RPH3AL: variants seen among roughly 807,000 people sequenced by gnomAD.
The protein encoded by RPH3AL is rabphilin 3A like (without C2 domains), also known as rab effector Noc2.
A neutral mutation model predicts 43.1 loss-of-function variants in RPH3AL; 38 were observed. The ratio of observed to expected loss-of-function variants is 0.88; its 90% CI spans 0.68 to 1.15. RPH3AL has a LOEUF of 1.15. Among genes scored for constraint, RPH3AL ranks in the 50% most tolerant of loss-of-function variants. The pLI is 0.00. For synonymous variants in RPH3AL, 189 were observed against 176.3 expected (o/e 1.07, Z -0.57); for missense variants, 462 against 423.2 (o/e 1.09, Z -0.81).
intron 5 of RPH3AL, among the ~76,000 whole-genome samples, chr17:316,023 C>A (rs62054975): frequency 1.9e-5 from 1 of 52,878 alleles, no homozygotes. Flanking sequence ...TCCCTGTGCC[C>A]CCACCTCCAT....
chr17:226,161 A>T (rs2151508561), intron 7 of RPH3AL, among the ~76,000 whole-genome samples: 1 of 152,328 alleles, frequency 6.6e-6, no homozygotes, highest in African/African-American at 2.4e-5. Flanking sequence ...ACAGGTAGAA[A>T]TCCTCCCTGA....
intron 5 of RPH3AL, among the ~76,000 whole-genome samples, chr17:286,311 G>C (rs1187055965): frequency 6.6e-6 from 1 of 152,132 alleles, no homozygotes; most frequent in African/African-American, 2.4e-5. Flanking sequence ...CTTAGGGTCT[G>C]GTGCTTCCTG....
At chr17:229,284 C>A (rs780710356) in intron 7 of RPH3AL, among the ~76,000 whole-genome samples, 14 of 152,242 alleles carry the variant, frequency 9.2e-5, no homozygotes, top group Non-Finnish European at 1.9e-4. Context: ...GAGGGCAAGG[C>A]CATACCTAAA....
chr17:303,030 G>A (rs1023455991), intron 5 of RPH3AL, among the ~76,000 whole-genome samples: 2 of 152,214 alleles, frequency 1.3e-5, no homozygotes, highest in African/African-American at 4.8e-5. Flanking sequence ...ATCCAAGTCA[G>A]ACAATAAACT....
At chr17:349,887 G>A (rs1025157803) in intron 1 of RPH3AL, among the ~76,000 whole-genome samples, 2 of 151,994 alleles carry the variant, frequency 1.3e-5, no homozygotes, top group African/African-American at 2.4e-5. Context: ...CAATCCCATC[G>A]AGGGCCATCA....
intron 7 of RPH3AL, among the ~76,000 whole-genome samples, chr17:242,516 A>G (rs1413148257): frequency 1.5e-5 from 1 of 67,652 alleles, no homozygotes; most frequent in Non-Finnish European, 2.8e-5. Flanking sequence ...ACCTTCCTCT[A>G]TTGACTACCT....
chr17:323,194 G>T lies in RPH3AL; in HGVS notation c.78-1779C>A, dbSNP rs921131044. 6.6e-6 allele frequency among the ~76,000 whole-genome samples: 1 copy of T among 152,036 alleles called. No individual in the cohort carries two copies. The highest frequency in any genetic ancestry group is 2.1e-4 in the South Asian group (1 of 4,820). On this transcript the variant is annotated intron_variant, in intron 3 of 9. Transcript: ENST00000331302. The surrounding 1 kb of genome is among the most constrained non-coding windows in gnomAD (Gnocchi z 4.4). ...AGGCAGAGGAGATCACACACGAAAG[G>T]CAGGGGGCATGGGTGGTGTGTGGTG...
At chr17:268,011 T>G (rs1484438201) in intron 6 of RPH3AL, among the ~76,000 whole-genome samples, 11 of 152,088 alleles carry the variant, frequency 7.2e-5, no homozygotes, top group Non-Finnish European at 1.3e-4. Context: ...CCACCCTCCC[T>G]CTCAGAGGTA....
Position 213,245 on chromosome 17 carries a change from CTG to C in RPH3AL, c.*605_*606del, listed in dbSNP as rs1319299270. The stretch of plus-strand genomic sequence containing the variant: ...CCCCAGCCTGGGCAACAAAGCGAGA[CTG>C]TGTCAAAAACAAACAAACATACAAA... On this transcript the variant is annotated 3_prime_UTR_variant, in exon 10 of 10. Coordinates refer to ENST00000331302, the MANE Select transcript of RPH3AL (RefSeq NM_006987.4). 1 of 155,420 alleles carries C rather than the reference CTG, an allele frequency of 6.4e-6. No homozygotes were observed. Among genetic ancestry groups the C allele is most frequent in the African/African-American group, 2.4e-5 (1 of 41,468 alleles). The allele number at this position is 155,420 out of a possible 1,614,324, so 9.6% of individuals were successfully genotyped here. A position where few individuals can be genotyped will look rare whatever the true frequency, so the allele number is the denominator to read the frequency against.
intron 5 of RPH3AL, among the ~76,000 whole-genome samples, chr17:302,391 C>T (rs943903508): frequency 7.2e-5 from 11 of 152,174 alleles, no homozygotes; most frequent in African/African-American, 2.4e-4. Flanking sequence ...CCACTACGTC[C>T]GTCCTTCGAT....
chr17:226,219 C>A (rs977732371), intron 7 of RPH3AL, among the ~76,000 whole-genome samples: 2 of 152,220 alleles, frequency 1.3e-5, no homozygotes, highest in African/African-American at 4.8e-5. Flanking sequence ...CCCAAAGGGC[C>A]ACAGCCGTGA....
chr17:303,521 G>A (rs2043386600), intron 5 of RPH3AL, among the ~76,000 whole-genome samples: 2 of 131,432 alleles, frequency 1.5e-5, no homozygotes, highest in African/African-American at 2.8e-5. Flanking sequence ...ATTGAGCAGT[G>A]ACCGTGTTTC....
intron 1 of RPH3AL, among the ~76,000 whole-genome samples, chr17:349,972 A>C (rs904984727): frequency 1.3e-5 from 2 of 152,194 alleles, no homozygotes; most frequent in African/African-American, 4.8e-5. Context: ...ACAGAGGCCA[A>C]TTAGATTCCT....
intron 6 of RPH3AL, among the ~76,000 whole-genome samples, chr17:277,856 G>A (rs1333065903): frequency 1.3e-5 from 2 of 152,136 alleles, no homozygotes; most frequent in African/African-American, 4.8e-5. Context: ...TCGGGAGGCT[G>A]AGGGGGGAGG....
chr17:311,829 C>A lies in RPH3AL; in HGVS notation c.351+7591G>T, dbSNP rs537266548. Among the ~76,000 whole-genome samples the A allele has an allele frequency of 1.6e-4, 25 of 152,180 alleles. 1 individual carries two copies. In the South Asian group the frequency reaches 4.1e-3, roughly 25 times the overall value. The stretch of plus-strand genomic sequence containing the variant: ...TGTGGGAGCTCCAATTTTAAGAAAA[C>A]AAGAATTCCAACGAGGAGAATGTGG... On this transcript the variant is annotated intron_variant, in intron 5 of 9. Coordinates refer to ENST00000331302, the MANE Select transcript of RPH3AL (RefSeq NM_006987.4).
intron 8 of RPH3AL, among the ~76,000 whole-genome samples, chr17:217,012 C>CG (rs2040819724): frequency 6.6e-6 from 1 of 150,960 alleles, no homozygotes; most frequent in Non-Finnish European, 1.5e-5. Context: ...CCTTCTTCTG[C>CG]CCTAAAATTG....
Position 215,776 on chromosome 17 carries a change from C to T in RPH3AL, c.754G>A (p.Gly252Arg). ...SGGSVEAPRM[G>R]FTHPPGHLSG... Reference sequence around the variant, plus strand: ...AGGTGGCCCGGCGGGTGGGTGAACCCCATCCTGGGGGCCTCCACGCTGCCA... The same window carrying T: ...AGGTGGCCCGGCGGGTGGGTGAACCTCATCCTGGGGGCCTCCACGCTGCCA... Residue 252 changes from glycine (G) to arginine (R), a missense_variant, in exon 9 of 10, where the codon GGG becomes AGG. Transcript: ENST00000331302. This position sits in a 1 kb window ranked among gnomAD's most constrained non-coding sequence, Gnocchi z 4.1. The T allele has an allele frequency of 7.6e-7, 1 of 1,308,196 alleles. No homozygotes were observed. The highest frequency in any genetic ancestry group is 9.8e-7 in the Non-Finnish European group (1 of 1,025,436). The allele number at this position is 1,308,196 out of a possible 1,614,324, so 81.0% of individuals were successfully genotyped here. A position where few individuals can be genotyped will look rare whatever the true frequency, so the allele number is the denominator to read the frequency against.
intron 5 of RPH3AL, among the ~76,000 whole-genome samples, chr17:317,774 T>A (rs1353364121): frequency 1.3e-5 from 2 of 152,224 alleles, no homozygotes; most frequent in Non-Finnish European, 2.9e-5. Flanking sequence ...ACTGTACCTT[T>A]GGTTTTCTCA....
Position 245,455 on chromosome 17 carries a change from T to A in RPH3AL, c.613+1656A>T, listed in dbSNP as rs1767666840. On this transcript the variant is annotated intron_variant, in intron 7 of 9. Coordinates refer to ENST00000331302, the MANE Select transcript of RPH3AL (RefSeq NM_006987.4). The surrounding 1 kb of genome is among the most constrained non-coding windows in gnomAD (Gnocchi z 5.9). ...TAGGTGTGAGCGTGTGTCAATGCGG[T>A]TGTGTTTGTGTGCGTGGATGTGAGT... is the stretch of plus-strand genomic sequence containing the variant. Among the ~76,000 whole-genome samples, 2 of 140,502 alleles carry A rather than the reference T, an allele frequency of 1.4e-5. No individual in the cohort carries two copies. Among genetic ancestry groups the A allele is most frequent in the African/African-American group, 5.2e-5 (2 of 38,312 alleles). 92.2% of individuals were successfully genotyped at this position (140,502 alleles called of 152,430 possible).
Sources: allele counts gnomAD v4.1 joint callset (sites outside exome capture counted in the v4.1 genomes callset), GRCh38; gene constraint gnomAD v4.1.1; non-coding constraint Gnocchi (gnomAD v3.1); transcripts MANE v1.5; gene names NCBI Gene and HGNC (gene_info 2026-07-23, HGNC 2026-07-21).